The following NRXN1 variants were observed in gnomAD, a reference collection of about 807,000 sequenced individuals.
The protein encoded by NRXN1 is neurexin-1.
A neutral mutation model predicts 150.9 loss-of-function variants in NRXN1; 39 were observed. The ratio of observed to expected loss-of-function variants is 0.26; its 90% CI spans 0.20 to 0.34. NRXN1 has a LOEUF of 0.34. Among genes scored for constraint, NRXN1 ranks in the 10% least tolerant of loss-of-function variants. The probability of loss-of-function intolerance (pLI) is 1.00; values close to 1 mark genes in which losing one functional copy is unlikely to be tolerated. For missense variants in NRXN1, 1,815 were observed against 1,949.9 expected (o/e 0.93, Z 1.30); for synonymous variants, 924 against 757.0 (o/e 1.22, Z -3.62).
intron 19 of NRXN1, among the ~76,000 whole-genome samples, chr2:50,066,592 A>C (rs2152657138): frequency 6.6e-6 from 1 of 152,300 alleles, no homozygotes; most frequent in South Asian, 2.1e-4. Flanking sequence ...AATGCTATTC[A>C]CCCAACATCT....
Position 50,495,992 on chromosome 2 carries a change from T to G in NRXN1, c.2983A>C (p.Arg995=), listed in dbSNP as rs780193876. Residue 995 remains arginine, a synonymous_variant, in exon 15 of 23, where the codon AGG becomes CGG. Coordinates refer to ENST00000401669, the MANE Select transcript of NRXN1 (RefSeq NM_001330078.2). The part of the protein sequence containing the change: ...DNQWHNVMIS[R]DTSNLHTVKI... ...ACAGTGTGGAGGTTGCTGGTGTCCC[T>G]TGATATCATCACGTTGTGCCACTGA... 1.2e-6 allele frequency: 2 copies of G among 1,613,658 alleles called. No individual in the cohort carries two copies. Among genetic ancestry groups the G allele is most frequent in the African/African-American group, 1.3e-5 (1 of 74,926 alleles).
At chr2:50,138,365 C>T (rs1474609017) in intron 18 of NRXN1, among the ~76,000 whole-genome samples, 1 of 152,032 alleles carries the variant, frequency 6.6e-6, no homozygotes, top group Non-Finnish European at 1.5e-5. Flanking sequence ...AATCTTCCTA[C>T]AAGAAAATAA....
intron 5 of NRXN1, among the ~76,000 whole-genome samples, chr2:50,662,070 G>A (rs992959265): frequency 5.9e-5 from 9 of 152,158 alleles, no homozygotes; most frequent in African/African-American, 1.9e-4. Flanking sequence ...GAGGGTACAT[G>A]TACAAAGTCT....
At chr2:50,464,084 A>T (rs1386952367) in intron 17 of NRXN1, 2 of 111,234 alleles carry the variant, frequency 1.8e-5, no homozygotes, top group Non-Finnish European at 3.6e-5. Context: ...TATATTTATT[A>T]AGACTTTATG....
At chr2:51,022,899 G>C (rs190162635) in intron 2 of NRXN1, among the ~76,000 whole-genome samples, 1 of 152,248 alleles carries the variant, frequency 6.6e-6, no homozygotes, top group East Asian at 1.9e-4. Context: ...ATAAAGTGTG[G>C]CACTGCCACT....
intron 8 of NRXN1, among the ~76,000 whole-genome samples, chr2:50,577,378 C>A (rs1436285978): frequency 2.7e-5 from 4 of 149,026 alleles, no homozygotes; most frequent in African/African-American, 7.4e-5. Flanking sequence ...AAAAAAAAAA[C>A]AAAGATTACT....
chr2:50,294,063 G>A (rs191782100), intron 17 of NRXN1, among the ~76,000 whole-genome samples: 1 of 152,312 alleles, frequency 6.6e-6, no homozygotes, highest in Admixed American at 6.5e-5. Flanking sequence ...TGCACTAAGT[G>A]TATATAATCC....
chr2:50,426,155 T>G (rs1408529327), intron 17 of NRXN1, among the ~76,000 whole-genome samples: 2 of 152,068 alleles, frequency 1.3e-5, no homozygotes, highest in Non-Finnish European at 1.5e-5. Context: ...AACTATCATG[T>G]GGAAACTTGA....
At chr2:49,927,703 T>C (rs1292772085) in intron 22 of NRXN1, among the ~76,000 whole-genome samples, 1 of 152,164 alleles carries the variant, frequency 6.6e-6, no homozygotes, top group African/African-American at 2.4e-5. Flanking sequence ...AAAATCCTAA[T>C]TCCTGATATA....
At chr2:50,779,129 C>A (rs1704022021) in intron 5 of NRXN1, among the ~76,000 whole-genome samples, 3 of 152,006 alleles carry the variant, frequency 2.0e-5, no homozygotes, top group Admixed American at 2.0e-4. Context: ...CACCCATTAC[C>A]CTGTCATCTA....
chr2:50,974,237 A>G (rs1695480103), intron 2 of NRXN1, among the ~76,000 whole-genome samples: 1 of 152,186 alleles, frequency 6.6e-6, no homozygotes, highest in Non-Finnish European at 1.5e-5. Context: ...TTTGGTACAA[A>G]ATGCCAGACC....
intron 5 of NRXN1, among the ~76,000 whole-genome samples, chr2:50,829,961 G>C (rs951259261): frequency 1.1e-4 from 13 of 119,990 alleles, no homozygotes; most frequent in Admixed American, 7.8e-4. Context: ...TTGCTATCAG[G>C]AGAAACCGCA....
At chr2:50,931,081 T>C (rs1687668987) in intron 2 of NRXN1, among the ~76,000 whole-genome samples, 1 of 152,148 alleles carries the variant, frequency 6.6e-6, no homozygotes, top group Non-Finnish European at 1.5e-5. Context: ...TCCTTTGGCC[T>C]GTGTATTACC....
rs748258962 is a variant in NRXN1 at position 50,055,031 on chromosome 2, G to A, written c.3732C>T (p.Asn1244=). Residue 1244 remains asparagine (N), a synonymous_variant, in exon 20 of 23, where the codon AAC becomes AAT. Transcript: ENST00000401669. ...IERYPAGNND[N]ERLAIARQRI... ...GCTGTCTAGCAATCGCCAGGCGCTC[G>A]TTATCATTGTTTCCTTTAAAGTTTA... The A allele has an allele frequency of 2.5e-6, 4 of 1,596,694 alleles. No homozygotes were observed. The highest frequency in any genetic ancestry group is 2.6e-6 in the Non-Finnish European group (3 of 1,172,770).
intron 18 of NRXN1, among the ~76,000 whole-genome samples, chr2:50,214,426 C>T (rs114499547): frequency 6.6e-6 from 1 of 151,972 alleles, no homozygotes; most frequent in African/African-American, 2.4e-5. Context: ...ACTCTATATT[C>T]CATACTTTCA....
intron 18 of NRXN1, among the ~76,000 whole-genome samples, chr2:50,192,752 A>G (rs1205037140): frequency 6.6e-6 from 1 of 151,990 alleles, no homozygotes; most frequent in Admixed American, 6.6e-5. Flanking sequence ...GATTACAGAC[A>G]TGCACCACCA....
chr2:49,968,174 A>T (rs887513369), intron 21 of NRXN1, among the ~76,000 whole-genome samples: 5 of 151,964 alleles, frequency 3.3e-5, no homozygotes, highest in African/African-American at 1.2e-4. Context: ...CTGGCGAAGG[A>T]AGTAGAATAA....
intron 12 of NRXN1, among the ~76,000 whole-genome samples, chr2:50,526,243 T>G (rs567576948): frequency 6.6e-6 from 1 of 152,314 alleles, no homozygotes; most frequent in African/African-American, 2.4e-5. Context: ...TAATGTAAGA[T>G]AATCTTTTAT....
chr2:49,977,115 CTTG>C (rs1038546705), intron 21 of NRXN1, among the ~76,000 whole-genome samples: 3 of 151,946 alleles, frequency 2.0e-5, no homozygotes, highest in African/African-American at 4.8e-5. Context: ...ATTGTTGGCT[CTTG>C]TTGTTATTCA....
Sources: gnomAD v4.1 joint callset for allele counts (sites outside exome capture counted in the v4.1 genomes callset) on GRCh38, gnomAD v4.1.1 for gene constraint, MANE v1.5 for transcripts, NCBI Gene and HGNC (gene_info 2026-07-23, HGNC 2026-07-21) for gene names.